The following TMEM132D variants were observed in gnomAD, a reference collection of about 807,000 sequenced individuals.
TMEM132D encodes the protein mature OL transmembrane protein.
TMEM132D carries 21 observed loss-of-function variants against 62.3 expected under a neutral mutation model. The ratio of observed to expected loss-of-function variants is 0.34; its 90% CI spans 0.24 to 0.49. The LOEUF (loss-of-function observed/expected upper bound fraction) is 0.49. Ranked by LOEUF, TMEM132D falls within the 20% of genes least tolerant of loss-of-function variation. The pLI is 0.99. For missense variants in TMEM132D, 1,346 were observed against 1,402.8 expected (o/e 0.96, Z 0.65); for synonymous variants, 621 against 575.6 (o/e 1.08, Z -1.13).
chr12:129,708,078 G>A (rs765270711), intron 1 of TMEM132D, among the ~76,000 whole-genome samples: 15 of 152,068 alleles, frequency 9.9e-5, no homozygotes, highest in East Asian at 5.8e-4. Flanking sequence ...TCAGCTGGGC[G>A]TGGTGGCATG....
intron 1 of TMEM132D, among the ~76,000 whole-genome samples, chr12:129,796,710 C>T (rs1208607856): frequency 1.3e-5 from 2 of 152,014 alleles, no homozygotes; most frequent in African/African-American, 4.8e-5. Flanking sequence ...AGGGGAACAT[C>T]ACACACCAGG....
intron 3 of TMEM132D, among the ~76,000 whole-genome samples, chr12:129,404,829 C>A (rs1478265953): frequency 6.6e-6 from 1 of 152,228 alleles, no homozygotes; most frequent in East Asian, 1.9e-4. Context: ...CAGGCCCCAC[C>A]CCCAACACTA....
intron 5 of TMEM132D, among the ~76,000 whole-genome samples, chr12:129,153,874 TC>T (rs1877151243): frequency 6.6e-6 from 1 of 152,140 alleles, no homozygotes; most frequent in Non-Finnish European, 1.5e-5. Flanking sequence ...ATTTCCCGGC[TC>T]TGGAAAGTTT....
chr12:129,497,469 A>G (rs567036089), intron 3 of TMEM132D, among the ~76,000 whole-genome samples: 16 of 152,080 alleles, frequency 1.1e-4, no homozygotes, highest in African/African-American at 2.9e-4. Flanking sequence ...AGGCCTCAGG[A>G]GTGTAAGGGC....
intron 3 of TMEM132D, among the ~76,000 whole-genome samples, chr12:129,504,053 T>C (rs1875254146): frequency 6.6e-6 from 1 of 151,622 alleles, no homozygotes; most frequent in African/African-American, 2.4e-5. Flanking sequence ...GTCATCATCA[T>C]CATTGTCATC....
At chr12:129,114,430 T>TTCCC (rs1199823963) in intron 5 of TMEM132D, among the ~76,000 whole-genome samples, 28 of 149,684 alleles carry the variant, frequency 1.9e-4, no homozygotes, top group African/African-American at 6.5e-4. Context: ...CCTTCCCTCC[T>TTCCC]TCCTCCCTCC....
At chr12:129,639,382 TAAAAAA>T (rs34476667) in intron 2 of TMEM132D, among the ~76,000 whole-genome samples, 6 of 90,510 alleles carry the variant, frequency 6.6e-5, no homozygotes, top group South Asian at 4.4e-4. Flanking sequence ...GACTCTGTCT[TAAAAAA>T]AAAAAAAAAA....
chr12:129,461,484 C>G (rs1285452319), intron 3 of TMEM132D, among the ~76,000 whole-genome samples: 1 of 152,020 alleles, frequency 6.6e-6, no homozygotes, highest in Non-Finnish European at 1.5e-5. Flanking sequence ...CTAAAGAAGA[C>G]AAAGAGAGCC....
intron 5 of TMEM132D, among the ~76,000 whole-genome samples, chr12:129,167,796 C>T (rs937065307): frequency 6.6e-6 from 1 of 152,008 alleles, no homozygotes; most frequent in African/African-American, 2.4e-5. Context: ...ACAACCACCC[C>T]ACCAAGCCCC....
At chr12:129,799,419 GTATATA>G (rs1871680667) in intron 1 of TMEM132D, among the ~76,000 whole-genome samples, 1 of 842 alleles carries the variant, frequency 1.2e-3, no homozygotes, top group African/African-American at 4.1e-3. Context: ...ATATATATGT[GTATATA>G]TGTGTATATA....
intron 3 of TMEM132D, among the ~76,000 whole-genome samples, chr12:129,395,500 C>G (rs1412112167): frequency 6.6e-6 from 1 of 151,958 alleles, no homozygotes; most frequent in Non-Finnish European, 1.5e-5. Flanking sequence ...GAGATTTGCA[C>G]AAGGACGTTC....
chr12:129,089,599 C>T (rs997058773), intron 5 of TMEM132D, among the ~76,000 whole-genome samples: 4 of 151,272 alleles, frequency 2.6e-5, no homozygotes, highest in African/African-American at 7.3e-5. Context: ...CCTCCCTGAC[C>T]GGGGTGTCCT....
At chr12:129,248,315 C>T (rs868857414) in intron 4 of TMEM132D, among the ~76,000 whole-genome samples, 12 of 152,140 alleles carry the variant, frequency 7.9e-5, no homozygotes, top group Non-Finnish European at 1.6e-4. Flanking sequence ...TGAACTCTCA[C>T]GAAAGGACTT....
intron 2 of TMEM132D, 59 bp from the exon 3 acceptor site, chr12:129,531,264 G>T: frequency 6.6e-7 from 1 of 1,522,120 alleles, no homozygotes; most frequent in Non-Finnish European, 8.9e-7. Context: ...GGGTCATGCT[G>T]GTTCTGGGAA....
At chr12:129,563,229 A>G (rs1877284611) in intron 2 of TMEM132D, among the ~76,000 whole-genome samples, 1 of 152,248 alleles carries the variant, frequency 6.6e-6, no homozygotes, top group Non-Finnish European at 1.5e-5. Context: ...GTTTAAACAT[A>G]TTATTCCGTC....
At chr12:129,603,990 T>TA (rs58142775) in intron 2 of TMEM132D, among the ~76,000 whole-genome samples, 1,621 of 152,200 alleles carry the variant, frequency 0.011, 29 homozygotes, top group African/African-American at 0.035. Flanking sequence ...TATGCAGCCA[T>TA]AAAAAATGAG....
At chr12:129,288,265 G>A (rs987192020) in intron 4 of TMEM132D, among the ~76,000 whole-genome samples, 2 of 152,168 alleles carry the variant, frequency 1.3e-5, no homozygotes, top group African/African-American at 4.8e-5. Flanking sequence ...ATAAGCTTCT[G>A]CACAGCAAGA....
At chr12:129,719,332 G>A (rs1011795207) in intron 1 of TMEM132D, among the ~76,000 whole-genome samples, 22 of 152,112 alleles carry the variant, frequency 1.4e-4, no homozygotes, top group African/African-American at 4.1e-4. Context: ...ATAAAGAGGT[G>A]AAAATTGTTA....
intron 5 of TMEM132D, among the ~76,000 whole-genome samples, chr12:129,086,547 G>A (rs1874627460): frequency 6.6e-6 from 1 of 151,554 alleles, no homozygotes; most frequent in Admixed American, 6.6e-5. Context: ...TGACCTCTAG[G>A]TTCTACTCAT....
Sources: allele counts gnomAD v4.1 joint callset (sites outside exome capture counted in the v4.1 genomes callset), GRCh38; gene constraint gnomAD v4.1.1; transcripts MANE v1.5; gene names NCBI Gene and HGNC (gene_info 2026-07-23, HGNC 2026-07-21).